ARCN1: variants seen among roughly 807,000 people sequenced by gnomAD.
The protein encoded by ARCN1 is coatomer subunit delta.
In ARCN1, 5 loss-of-function variants were observed where a neutral mutation model predicts 60.4. That is an observed-to-expected ratio of 0.08 (90% CI 0.04 to 0.17). ARCN1 has a LOEUF of 0.17. Ranked by LOEUF, ARCN1 falls within the 10% of genes least tolerant of loss-of-function variation. The pLI, the probability that ARCN1 is intolerant of heterozygous loss-of-function variation, is 1.00. For missense variants in ARCN1, 464 were observed against 626.5 expected (o/e 0.74, Z 2.77); for synonymous variants, 224 against 220.0 (o/e 1.02, Z -0.16).
intron 9 of ARCN1, among the ~76,000 whole-genome samples, chr11:118,598,994 ATATC>A (rs1430721699): frequency 6.6e-6 from 1 of 151,594 alleles, no homozygotes; most frequent in Non-Finnish European, 1.5e-5. Context: ...GGGTTTCACC[ATATC>A]GGTCAGGCTG....
intron 8 of ARCN1, among the ~76,000 whole-genome samples, chr11:118,596,252 A>G (rs1444803543): frequency 6.6e-6 from 1 of 152,198 alleles, no homozygotes; most frequent in African/African-American, 2.4e-5. Context: ...CTTCAGAACA[A>G]TAGATGGCTG....
intron 8 of ARCN1, among the ~76,000 whole-genome samples, chr11:118,596,937 C>T (rs1043757889): frequency 1.6e-4 from 25 of 152,180 alleles, no homozygotes; most frequent in African/African-American, 5.3e-4. Context: ...CGGCCGGGTG[C>T]GGTGGCTCAT....
chr11:118,590,196 T>C, intron 5 of ARCN1, 145 bp from the exon 6 acceptor site: 1 of 518,744 alleles, frequency 1.9e-6, no homozygotes, highest in Non-Finnish European at 3.4e-6. Flanking sequence ...GGTTTCTCCA[T>C]GTTGGTCAGG....
At chr11:118,597,372 A>T (rs1939049404) in intron 8 of ARCN1, among the ~76,000 whole-genome samples, 1 of 152,192 alleles carries the variant, frequency 6.6e-6, no homozygotes, top group Non-Finnish European at 1.5e-5. Flanking sequence ...GCAGCAACCT[A>T]TTGGTGCAGG....
At chr11:118,573,795 G>C (rs1023482326) in intron 1 of ARCN1, 1 of 533,578 alleles carries the variant, frequency 1.9e-6, no homozygotes, top group Admixed American at 3.4e-5. Context: ...TATATAAATT[G>C]CATCAAACAG....
intron 2 of ARCN1, 49 bp downstream of exon 2, chr11:118,581,558 A>T: frequency 3.9e-6 from 6 of 1,553,592 alleles, no homozygotes; most frequent in Non-Finnish European, 5.2e-6. Context: ...TTTACATTTT[A>T]TGTGAAACTA....
Position 118,586,107 on chromosome 11 carries a change from TC to T in ARCN1, c.818+1465del, listed in dbSNP as rs1351036339. On this transcript the variant is annotated intron_variant, in intron 5 of 9. Transcript: ENST00000264028. ...TTTCTTTCTTCTTTCCTTTCTTTCT[TC>T]CTTTCTTTCTTTCTTGACAGAGTCT... Among the ~76,000 whole-genome samples, 17 of 152,284 alleles carry T rather than the reference TC, an allele frequency of 1.1e-4. No individual in the cohort carries two copies. The East Asian group carries it at 2.9e-3, about 26-fold the overall frequency.
chr11:118,596,010 T>A (rs745996291), intron 8 of ARCN1, among the ~76,000 whole-genome samples: 31 of 151,364 alleles, frequency 2.0e-4, no homozygotes, highest in South Asian at 2.1e-4. Flanking sequence ...GAGCTTGCAG[T>A]GAGCTGAGAT....
intron 9 of ARCN1, among the ~76,000 whole-genome samples, chr11:118,599,337 C>T (rs1939100783): frequency 6.6e-6 from 1 of 152,042 alleles, no homozygotes; most frequent in Non-Finnish European, 1.5e-5. Flanking sequence ...GTGATCCAGC[C>T]ACCTCGGCCT....
rs1938736705 is a variant in ARCN1 at position 118,584,654 on chromosome 11, A to G, written c.818+10A>G. On this transcript the variant is annotated intron_variant, in intron 5 of 9. Coordinates refer to ENST00000264028, the MANE Select transcript of ARCN1 (RefSeq NM_001655.5). The stretch of plus-strand genomic sequence containing the variant: ...CCATTAATATGGAAAGGTAAGTAGG[A>G]ACTTTGAGTAAGAATTCAAGCTTTG... The G allele has an allele frequency of 1.3e-6, 2 of 1,578,966 alleles. No individual in the cohort carries two copies. The highest frequency in any genetic ancestry group is 1.4e-5 in the African/African-American group (1 of 73,002).
intron 5 of ARCN1, among the ~76,000 whole-genome samples, chr11:118,588,784 G>A (rs573536742): frequency 8.0e-4 from 121 of 152,140 alleles, no homozygotes; most frequent in African/African-American, 2.5e-3. Context: ...TCGGGAGGCC[G>A]AGGCAGGCAG....
At position 118,583,375 on chromosome 11, in the gene ARCN1, C is replaced by G; in HGVS notation, c.447+17C>G. On this transcript the variant is annotated intron_variant, in intron 3 of 9. Coordinates refer to ENST00000264028, the MANE Select transcript of ARCN1 (RefSeq NM_001655.5). ...GTCAGAGAGGTAAATAGGATCTTCT[C>G]TGGGACTACCTGTTTGTATGTCTTT... The G allele has an allele frequency of 6.3e-7, 1 of 1,586,102 alleles. No homozygotes were observed.
intron 1 of ARCN1, among the ~76,000 whole-genome samples, chr11:118,573,410 TGA>T (rs1555072844): frequency 6.6e-6 from 1 of 152,144 alleles, no homozygotes; most frequent in African/African-American, 2.4e-5. Flanking sequence ...GTTACAAGGA[TGA>T]GAAAGGTTAA....
chr11:118,575,382 A>T, intron 1 of ARCN1, among the ~76,000 whole-genome samples: 1 of 151,812 alleles, frequency 6.6e-6, no homozygotes, highest in East Asian at 1.9e-4. Flanking sequence ...ATGTCTTCAT[A>T]TAGAAGTTCA....
At chr11:118,588,091 G>T (rs1426555106) in intron 5 of ARCN1, among the ~76,000 whole-genome samples, 1 of 152,200 alleles carries the variant, frequency 6.6e-6, no homozygotes, top group African/African-American at 2.4e-5. Context: ...GTGTTCAGCT[G>T]TCCAGAAGCT....
At chr11:118,587,113 A>G (rs1299079594) in intron 5 of ARCN1, among the ~76,000 whole-genome samples, 2 of 152,240 alleles carry the variant, frequency 1.3e-5, no homozygotes, top group East Asian at 1.9e-4. Context: ...TAGTTCATCC[A>G]GCCAAACGTA....
chr11:118,582,172 T>C (rs563374561), intron 2 of ARCN1, among the ~76,000 whole-genome samples: 57 of 152,222 alleles, frequency 3.7e-4, no homozygotes, highest in African/African-American at 1.3e-3. Flanking sequence ...AGTCTCGCTC[T>C]TGCCCTGGCT....
rs1260267477 is a variant in ARCN1 at position 118,601,890 on chromosome 11, A to G, written c.*1176A>G. On this transcript the variant is annotated 3_prime_UTR_variant, in exon 10 of 10. Coordinates refer to ENST00000264028, the MANE Select transcript of ARCN1 (RefSeq NM_001655.5). ...CATGTCTGCTGCTGTTGCTACCCAA[A>G]TTTTCATTTCTCCACATTTTGGGTA... 1.7e-6 allele frequency: 1 copy of G among 591,524 alleles called. No individual in the cohort carries two copies. Among genetic ancestry groups the G allele is most frequent in the African/African-American group, 1.9e-5 (1 of 53,658 alleles). 36.6% of individuals were successfully genotyped at this position (591,524 alleles called of 1,614,324 possible). A position where few individuals can be genotyped will look rare whatever the true frequency, so the allele number is the denominator to read the frequency against.
chr11:118,578,171 A>G (rs1314314721), intron 1 of ARCN1, among the ~76,000 whole-genome samples: 2 of 115,744 alleles, frequency 1.7e-5, no homozygotes, highest in Admixed American at 9.5e-5. Flanking sequence ...CAAAAAATAA[A>G]TAAATAAATA....
Sources: allele counts gnomAD v4.1 joint callset (sites outside exome capture counted in the v4.1 genomes callset), GRCh38; gene constraint gnomAD v4.1.1; transcripts MANE v1.5; gene names NCBI Gene and HGNC (gene_info 2026-07-23, HGNC 2026-07-21).